STK3: variants seen among roughly 807,000 people sequenced by gnomAD.
STK3 encodes serine/threonine kinase 3.
STK3 carries 41 observed loss-of-function variants against 58.0 expected under a neutral mutation model. The observed-to-expected ratio is 0.71, with a 90% confidence interval of 0.55 to 0.92. The LOEUF (loss-of-function observed/expected upper bound fraction) is 0.92. STK3 is among the 40% of genes least tolerant of loss of function. STK3 has a pLI of 0.00. For synonymous variants in STK3, 170 were observed against 191.0 expected (o/e 0.89, Z 0.91); for missense variants, 479 against 602.7 (o/e 0.79, Z 2.15).
At chr8:98,384,511 C>T (rs947696425) in intron 1 of STK3, among the ~76,000 whole-genome samples, 4 of 152,224 alleles carry the variant, frequency 2.6e-5, no homozygotes, top group African/African-American at 9.6e-5. Context: ...ACCTTCCATC[C>T]AGTAATACAA....
At chr8:98,636,672 C>T (rs550269568) in intron 6 of STK3, among the ~76,000 whole-genome samples, 1 of 152,222 alleles carries the variant, frequency 6.6e-6, no homozygotes, top group Admixed American at 6.5e-5. Flanking sequence ...ATAAGTTACA[C>T]AGAATTTGCA....
chr8:98,547,841 G>T, intron 9 of STK3, 128 bp downstream of exon 9: 1 of 773,482 alleles, frequency 1.3e-6, no homozygotes, highest in Non-Finnish European at 1.8e-6. Flanking sequence ...CTTTTTTACT[G>T]TTACATAAAT....
At chr8:98,714,260 G>C (rs1179520001) in intron 4 of STK3, among the ~76,000 whole-genome samples, 14 of 152,176 alleles carry the variant, frequency 9.2e-5, no homozygotes, top group Admixed American at 9.2e-4. Flanking sequence ...ATTCAACATA[G>C]TGTTGAAAGT....
chr8:98,437,198 T>A (rs1442129938), exon 2 of STK3: 1 of 152,188 alleles, frequency 6.6e-6, no homozygotes, highest in African/African-American at 2.4e-5. Context: ...ACGGGCCCAG[T>A]AAGGCTCTAT....
At chr8:98,713,384 C>T (rs981192467) in intron 4 of STK3, among the ~76,000 whole-genome samples, 1 of 151,618 alleles carries the variant, frequency 6.6e-6, no homozygotes, top group African/African-American at 2.4e-5. Context: ...AGACCGCTAG[C>T]AAGACTAATA....
chr8:98,930,612 A>G (rs953781821), intron 1 of STK3, among the ~76,000 whole-genome samples: 1 of 152,240 alleles, frequency 6.6e-6, no homozygotes. Flanking sequence ...AGATGTTTAC[A>G]TGGATTTTGT....
chr8:98,592,418 C>T (rs1815395044), intron 7 of STK3, among the ~76,000 whole-genome samples: 1 of 152,184 alleles, frequency 6.6e-6, no homozygotes. Context: ...TCTACTTTTA[C>T]ATTTCTTAAT....
At chr8:98,940,241 G>A (rs1158137088) in intron 1 of STK3, among the ~76,000 whole-genome samples, 1 of 152,200 alleles carries the variant, frequency 6.6e-6, no homozygotes, top group African/African-American at 2.4e-5. Flanking sequence ...CCATCCTCAC[G>A]CTCCAGGGTC....
chr8:98,586,149 G>A (rs1179859305), intron 7 of STK3, among the ~76,000 whole-genome samples: 2 of 151,764 alleles, frequency 1.3e-5, no homozygotes, highest in African/African-American at 2.4e-5. Context: ...TAGGAGTGGT[G>A]AGAGAGGGCA....
intron 6 of STK3, among the ~76,000 whole-genome samples, chr8:98,637,062 T>C (rs1442561074): frequency 2.0e-5 from 3 of 151,872 alleles, no homozygotes; most frequent in African/African-American, 7.2e-5. Flanking sequence ...AAGATTTTTT[T>C]TTTTTTTTTT....
chr8:98,700,071 G>A (rs931156141), intron 6 of STK3, among the ~76,000 whole-genome samples: 7 of 152,196 alleles, frequency 4.6e-5, no homozygotes, highest in Admixed American at 1.3e-4. Flanking sequence ...GGGTAATGGC[G>A]GGCGCCCCTC....
chr8:98,590,385 C>T (rs944293200), intron 7 of STK3, among the ~76,000 whole-genome samples: 7 of 152,116 alleles, frequency 4.6e-5, no homozygotes, highest in South Asian at 2.1e-4. Flanking sequence ...CCGAGGCGAT[C>T]GGGCAGTGTC....
chr8:98,677,766 T>C (rs2130877906), intron 6 of STK3, among the ~76,000 whole-genome samples: 1 of 152,302 alleles, frequency 6.6e-6, no homozygotes, highest in East Asian at 1.9e-4. Context: ...ACCCTTTTTC[T>C]TCCCTCTCCT....
At chr8:98,586,935 G>A (rs1814668864) in intron 7 of STK3, among the ~76,000 whole-genome samples, 2 of 151,790 alleles carry the variant, frequency 1.3e-5, no homozygotes, top group South Asian at 4.2e-4. Context: ...TGTGGGATCG[G>A]TGTTGATATC....
chr8:98,783,059 T>C (rs967047152), intron 1 of STK3, among the ~76,000 whole-genome samples: 2 of 151,544 alleles, frequency 1.3e-5, no homozygotes, highest in African/African-American at 4.9e-5. Flanking sequence ...CAAAATATAT[T>C]ATGATCAAAT....
intron 6 of STK3, among the ~76,000 whole-genome samples, chr8:98,699,737 G>A (rs932847543): frequency 7.1e-4 from 108 of 152,298 alleles, no homozygotes; most frequent in South Asian, 3.5e-3. Flanking sequence ...TGTCTCAGAG[G>A]AGTACCCGGC....
At chr8:98,713,612 C>A (rs570580415) in intron 4 of STK3, among the ~76,000 whole-genome samples, 151 of 152,190 alleles carry the variant, frequency 9.9e-4, no homozygotes, top group Non-Finnish European at 1.7e-3. Flanking sequence ...CAATAACAGG[C>A]TCTGAAATTG....
In STK3 at chr8:98,769,907, C is replaced by A. The variant is rs141507781; in HGVS notation, c.108-2536G>T. Among the ~76,000 whole-genome samples the A allele has an allele frequency of 5.5e-3, 836 of 152,274 alleles. 9 individuals carry two copies. The highest frequency in any genetic ancestry group is 0.019 in the African/African-American group (805 of 41,572). ...CTGAATTTCTTAATTCTTACAGAAACAGGGTTGAGATTTCTGAAAAACAAA... is the reference window on the plus strand; with the variant it reads ...CTGAATTTCTTAATTCTTACAGAAAAAGGGTTGAGATTTCTGAAAAACAAA... On this transcript the variant is annotated intron_variant, in intron 2 of 10. Coordinates refer to ENST00000419617, the MANE Select transcript of STK3 (RefSeq NM_006281.4).
chr8:98,573,947 C>T (rs1430914945), intron 8 of STK3, among the ~76,000 whole-genome samples: 1 of 151,990 alleles, frequency 6.6e-6, no homozygotes, highest in Non-Finnish European at 1.5e-5. Flanking sequence ...GGGAAAAGCC[C>T]CTTATAAAAC....
Sources: allele counts gnomAD v4.1 joint callset (sites outside exome capture counted in the v4.1 genomes callset), GRCh38; gene constraint gnomAD v4.1.1; transcripts MANE v1.5; gene names NCBI Gene and HGNC (gene_info 2026-07-23, HGNC 2026-07-21).